Variants in SLC29A3 observed in about 807,000 individuals in gnomAD.
SLC29A3 encodes equilibrative nucleoside transporter 3.
In SLC29A3, 18 loss-of-function variants were observed where a neutral mutation model predicts 25.4. The observed-to-expected ratio is 0.71, with a 90% CI of 0.49 to 1.05. The LOEUF is 1.05. Ranked by LOEUF, SLC29A3 falls within the 50% of genes least tolerant of loss-of-function variation. The pLI, the probability that SLC29A3 is intolerant of heterozygous loss-of-function variation, is 0.00. For missense variants in SLC29A3, 586 were observed against 609.0 expected, an observed-to-expected ratio of 0.96 and a Z score of 0.40; for synonymous variants, 258 against 267.1, an observed-to-expected ratio of 0.97 and a Z score of 0.33.
chr10:71,339,976 G>A (rs986782500), intron 2 of SLC29A3, among the ~76,000 whole-genome samples: 1 of 152,170 alleles, frequency 6.6e-6, no homozygotes, highest in Non-Finnish European at 1.5e-5. Context: ...GCACAGCACT[G>A]GCACACGGGC....
At chr10:71,358,986 C>T (rs753828719) in intron 5 of SLC29A3, among the ~76,000 whole-genome samples, 1 of 152,290 alleles carries the variant, frequency 6.6e-6, no homozygotes, top group African/African-American at 2.4e-5. Flanking sequence ...TCACGGCTCA[C>T]GGCAGCCTTT....
intron 4 of SLC29A3, among the ~76,000 whole-genome samples, chr10:71,353,265 T>C (rs1240238023): frequency 3.3e-5 from 5 of 152,308 alleles, no homozygotes; most frequent in South Asian, 4.1e-4. Context: ...AAAATAAAAA[T>C]GGACTTGTTG....
intron 1 of SLC29A3, among the ~76,000 whole-genome samples, chr10:71,319,919 G>C (rs943243929): frequency 2.6e-5 from 4 of 152,200 alleles, no homozygotes; most frequent in Non-Finnish European, 4.4e-5. Context: ...GTGCATGGCC[G>C]GGCTCCCGCA....
chr10:71,369,975 CAG>C (rs1847199084), intron 3 of SLC29A3, among the ~76,000 whole-genome samples: 1 of 152,114 alleles, frequency 6.6e-6, no homozygotes, highest in African/African-American at 2.4e-5. Context: ...GCTGGGTAGA[CAG>C]GGTAAGGAGG....
intron 3 of SLC29A3, among the ~76,000 whole-genome samples, chr10:71,375,217 A>G (rs1847241186): frequency 6.6e-6 from 1 of 152,220 alleles, no homozygotes; most frequent in African/African-American, 2.4e-5. Context: ...GTTATTAGAC[A>G]TGAGCACTGA....
At chr10:71,355,256 G>A (rs1030054642) in intron 4 of SLC29A3, among the ~76,000 whole-genome samples, 3 of 152,206 alleles carry the variant, frequency 2.0e-5, no homozygotes, top group Non-Finnish European at 2.9e-5. Context: ...AGGGTGACAC[G>A]TCCATCCGCC....
chr10:71,380,159 C>G (rs144826743), exon 5 of SLC29A3: 1 of 152,316 alleles, frequency 6.6e-6, no homozygotes, highest in African/African-American at 2.4e-5. Flanking sequence ...ACTCCCTTCC[C>G]GCATGCCCTC....
chr10:71,357,698 C>T (rs953663821), intron 5 of SLC29A3, among the ~76,000 whole-genome samples: 7 of 152,174 alleles, frequency 4.6e-5, no homozygotes, highest in South Asian at 2.1e-4. Context: ...TTTCTTGTCT[C>T]GAGTCTTACT....
intron 3 of SLC29A3, among the ~76,000 whole-genome samples, chr10:71,375,491 T>C (rs780428478): frequency 1.3e-5 from 2 of 152,244 alleles, no homozygotes; most frequent in Non-Finnish European, 2.9e-5. Flanking sequence ...CCCACTAGAA[T>C]TGAAAACAAT....
chr10:71,325,776 C>T (rs1050358436), intron 2 of SLC29A3, among the ~76,000 whole-genome samples: 16 of 152,106 alleles, frequency 1.1e-4, no homozygotes, highest in Non-Finnish European at 2.1e-4. Flanking sequence ...CCCACCCACT[C>T]GAGGCCAATT....
chr10:71,339,105 T>G (rs1010282985), intron 2 of SLC29A3, among the ~76,000 whole-genome samples: 5 of 152,242 alleles, frequency 3.3e-5, no homozygotes, highest in Admixed American at 2.0e-4. Context: ...GACCTCTGTG[T>G]ACCTCTGGGA....
rs140834245 is a variant in SLC29A3 at position 71,353,322 on chromosome 10, C to T, written c.610+1534C>T. 3.8e-3 allele frequency among the ~76,000 whole-genome samples: 576 copies of T among 152,296 alleles called. 4 individuals are homozygous for T. Among genetic ancestry groups the T allele is most frequent in the African/African-American group, 0.012 (517 of 41,562 alleles). On this transcript the variant is annotated intron_variant, in intron 4 of 5. Coordinates refer to ENST00000373189, the MANE Select transcript of SLC29A3 (RefSeq NM_018344.6). The stretch of plus-strand genomic sequence containing the variant: ...AACATGCATCAGCGATGCTTTCAAA[C>T]GGGCATTTCTGGACTGAAGGCAGTG...
chr10:71,352,000 C>T (rs1358319712), intron 4 of SLC29A3, among the ~76,000 whole-genome samples: 1 of 152,204 alleles, frequency 6.6e-6, no homozygotes, highest in Non-Finnish European at 1.5e-5. Flanking sequence ...TAGCTCTTCT[C>T]TTCTCCCCAT....
At chr10:71,350,089 G>A (rs138050351) in intron 3 of SLC29A3, among the ~76,000 whole-genome samples, 1 of 152,318 alleles carries the variant, frequency 6.6e-6, no homozygotes, top group Admixed American at 6.5e-5. Context: ...GTGATGGGCT[G>A]GGGCTCAGCA....
At chr10:71,319,658 G>A (rs903459126) in intron 1 of SLC29A3, 8 of 286,694 alleles carry the variant, frequency 2.8e-5, no homozygotes, top group Admixed American at 5.3e-5. Flanking sequence ...TGAGGCTGGG[G>A]CTGTTTACAC....
chr10:71,335,382 G>T (rs1038879672), intron 2 of SLC29A3, among the ~76,000 whole-genome samples: 1 of 152,216 alleles, frequency 6.6e-6, no homozygotes, highest in Non-Finnish European at 1.5e-5. Flanking sequence ...GGAGCCAAGC[G>T]AGGGGACAAT....
At position 71,322,939 on chromosome 10, in the gene SLC29A3, T is replaced by C. The variant is rs761998545; in HGVS notation, c.185T>C (p.Ile62Thr). The C allele has an allele frequency of 6.2e-7, 1 of 1,614,228 alleles. No individual in the cohort carries two copies. Among genetic ancestry groups the C allele is most frequent in the Non-Finnish European group, 8.5e-7 (1 of 1,180,054 alleles). ...GTYIIFFSLG[I>T]GSLLPWNFFI... ...TACATCATCTTCTTCAGCCTGGGCATTGGCAGTCTACTGCCATGGAACTTC... is the reference window on the plus strand; with the variant it reads ...TACATCATCTTCTTCAGCCTGGGCACTGGCAGTCTACTGCCATGGAACTTC... Residue 62 changes from isoleucine to threonine, a missense_variant, in exon 2 of 6, where the codon ATT becomes ACT. Coordinates refer to ENST00000373189, the MANE Select transcript of SLC29A3 (RefSeq NM_018344.6).
intron 3 of SLC29A3, among the ~76,000 whole-genome samples, 198 bp from the exon 4 acceptor site, chr10:71,351,364 C>G (rs913023364): frequency 6.6e-6 from 1 of 152,224 alleles, no homozygotes; most frequent in Non-Finnish European, 1.5e-5. Flanking sequence ...AAAGCTGAAA[C>G]CAGAGCAACT....
intron 3 of SLC29A3, among the ~76,000 whole-genome samples, chr10:71,347,103 G>T (rs1846609953): frequency 6.6e-6 from 1 of 152,166 alleles, no homozygotes; most frequent in African/African-American, 2.4e-5. Flanking sequence ...GTGGGAAGAT[G>T]GTCTGGGGCT....
Sources: gnomAD v4.1 joint callset for allele counts (sites outside exome capture counted in the v4.1 genomes callset) on GRCh38, gnomAD v4.1.1 for gene constraint, MANE v1.5 for transcripts, NCBI Gene and HGNC (gene_info 2026-07-23, HGNC 2026-07-21) for gene names.